Variants in USP33 observed in about 807,000 individuals in gnomAD.
USP33 encodes ubiquitin carboxyl-terminal hydrolase 33.
USP33 carries 46 observed loss-of-function variants against 124.2 expected under a neutral mutation model. The observed-to-expected ratio is 0.37, with a 90% CI of 0.29 to 0.47. The LOEUF (loss-of-function observed/expected upper bound fraction) is 0.47, where lower values mean the gene tolerates loss of function less well. USP33 is among the 20% of genes least tolerant of loss of function. The pLI is 0.99. For missense variants in USP33, 851 were observed against 1,070.6 expected (o/e 0.79, Z 2.86); for synonymous variants, 350 against 352.3 (o/e 0.99, Z 0.07).
Position 77,716,960 on chromosome 1 carries a change from G to A in USP33, c.1918+907C>T, listed in dbSNP as rs566970858. 2.9e-3 allele frequency among the ~76,000 whole-genome samples: 432 copies of A among 151,416 alleles called. 8 individuals carry two copies. The highest frequency in any genetic ancestry group is 9.9e-3 in the African/African-American group (409 of 41,224). ...AGCTCACTGCAACCTCCACCTTCCAGGTTCAAGCGATTCTCCTGTCTCAGC... is the reference window on the plus strand; with the variant it reads ...AGCTCACTGCAACCTCCACCTTCCAAGTTCAAGCGATTCTCCTGTCTCAGC... On this transcript the variant is annotated intron_variant, in intron 17 of 23. Transcript: ENST00000370794.
chr1:77,714,283 A>C (rs1675621015), intron 19 of USP33, among the ~76,000 whole-genome samples: 2 of 152,228 alleles, frequency 1.3e-5, no homozygotes, highest in Non-Finnish European at 2.9e-5. Flanking sequence ...AGAGGAGCTC[A>C]CTGTAATGTA....
intron 12 of USP33, 150 bp downstream of exon 12, chr1:77,723,181 G>A: frequency 1.5e-6 from 1 of 668,272 alleles, no homozygotes; most frequent in Non-Finnish European, 2.5e-6. Flanking sequence ...TCTACACCTA[G>A]AATCAAATTT....
intron 8 of USP33, 113 bp from the exon 9 acceptor site, chr1:77,730,051 A>G (rs1677629024): frequency 1.0e-6 from 1 of 972,496 alleles, no homozygotes; most frequent in Non-Finnish European, 1.5e-6. Flanking sequence ...TGTTTCAAAA[A>G]AATCATTCAA....
chr1:77,729,270 T>C (rs1677515809), intron 9 of USP33, among the ~76,000 whole-genome samples: 2 of 151,550 alleles, frequency 1.3e-5, no homozygotes, highest in African/African-American at 4.9e-5. Context: ...CAGGGGCTTA[T>C]GCTTGTAATC....
intron 8 of USP33, 69 bp downstream of exon 8, chr1:77,730,549 C>T: frequency 5.8e-6 from 7 of 1,206,616 alleles, no homozygotes; most frequent in Non-Finnish European, 7.7e-6. Flanking sequence ...AATGGACCTG[C>T]AACCTTTAAA....
chr1:77,697,845 A>G lies in USP33; in HGVS notation c.2578+18T>C. On this transcript the variant is annotated intron_variant, in intron 23 of 23. Transcript: ENST00000370794. ...CAAATCACTCACAAGTAAAAGCTTA[A>G]ATACGAGTCAAACTTACCTTGCCTA... 1 of 1,595,914 alleles carries G rather than the reference A, an allele frequency of 6.3e-7. No homozygotes were observed. Among genetic ancestry groups the G allele is most frequent in the Non-Finnish European group, 8.5e-7 (1 of 1,172,906 alleles).
chr1:77,704,614 A>G (rs532931379), intron 21 of USP33, among the ~76,000 whole-genome samples: 5 of 152,224 alleles, frequency 3.3e-5, no homozygotes, highest in African/African-American at 4.8e-5. Flanking sequence ...AAAAATACAT[A>G]ATAGAAAAAC....
Position 77,697,455 on chromosome 1 carries a change from A to G in USP33, c.2598T>C (p.Ile866=). ...MLRQGADSGQ[I]SEETWNFLQS... ...GCAGAAAATTCCATGTTTCTTCAGAAATCTGGCCAGAATCTGCTCCTTAAA... is the reference window on the plus strand; with the variant it reads ...GCAGAAAATTCCATGTTTCTTCAGAGATCTGGCCAGAATCTGCTCCTTAAA... The change falls in exon 24 of 24, where the codon ATT becomes ATC. Residue 866 remains isoleucine, a synonymous_variant. Coordinates refer to ENST00000370794, the MANE Select transcript of USP33 (RefSeq NM_201624.3). 2 of 1,602,734 alleles carry G rather than the reference A, an allele frequency of 1.2e-6. No homozygotes were observed. The highest frequency in any genetic ancestry group is 1.7e-6 in the Non-Finnish European group (2 of 1,177,348).
At chr1:77,758,020 T>C (rs569662577) in intron 1 of USP33, among the ~76,000 whole-genome samples, 15 of 152,200 alleles carry the variant, frequency 9.9e-5, no homozygotes, top group African/African-American at 3.6e-4. Flanking sequence ...TAAAAAGACT[T>C]GCTTACTGTT....
chr1:77,736,467 C>G (rs1373854784), intron 5 of USP33, among the ~76,000 whole-genome samples: 4 of 152,254 alleles, frequency 2.6e-5, no homozygotes, highest in Admixed American at 2.6e-4. Flanking sequence ...TAAACCATAG[C>G]TAAAAAGATC....
intron 9 of USP33, among the ~76,000 whole-genome samples, chr1:77,729,433 G>A (rs1677545585): frequency 6.6e-6 from 1 of 151,628 alleles, no homozygotes; most frequent in Admixed American, 6.6e-5. Context: ...CACTGTGGGA[G>A]GCCGAGGAGG....
chr1:77,697,327 C>T lies in USP33; in HGVS notation c.2726G>A (p.Arg909Gln), dbSNP rs955119861. Residue 909 changes from arginine (R) to glutamine (Q), a missense_variant, in exon 24 of 24, where the codon CGG (arginine) becomes CAG (glutamine). Arg to Gln is a conservative substitution (Grantham distance 43, BLOSUM62 1). This residue lies in a region of USP33 where 142 missense variants were observed against 141.8 expected (regional missense o/e 1.00). Coordinates refer to ENST00000370794, the MANE Select transcript of USP33 (RefSeq NM_201624.3). ...QAEEKIEVET[R>Q]SL is the part of the protein sequence containing the mutation. ...TCTACATCCTAAAAATTACAAAGAC[C>T]GAGTTTCTACTTCAATTTTTTCTTC... The T allele has an allele frequency of 9.4e-6, 15 of 1,599,376 alleles. No individual in the cohort carries two copies. The highest frequency in any genetic ancestry group is 2.3e-5 in the South Asian group (2 of 87,678).
chr1:77,748,793 G>GATTCAAA, intron 1 of USP33, among the ~76,000 whole-genome samples: 1 of 42,370 alleles, frequency 2.4e-5, no homozygotes, highest in East Asian at 1.1e-3. Flanking sequence ...CCCCCCCCCC[G>GATTCAAA]TGCTTGAATC....
intron 7 of USP33, among the ~76,000 whole-genome samples, chr1:77,732,204 TATAAAAATAACA>T (rs1222965446): frequency 2.0e-5 from 3 of 152,150 alleles, no homozygotes; most frequent in Non-Finnish European, 4.4e-5. Context: ...TTCTTATCTG[TATAAAAATAACA>T]ATAGTATCAA....
At chr1:77,702,164 AAAAAAAAAAAAAAC>A (rs1317691159) in intron 21 of USP33, among the ~76,000 whole-genome samples, 9 of 144,360 alleles carry the variant, frequency 6.2e-5, no homozygotes, top group Non-Finnish European at 1.1e-4. Context: ...AAAAAAAAAA[AAAAAAAAAAAAAAC>A]CAGTGGTACA....
intron 19 of USP33, chr1:77,713,608 G>T: frequency 4.7e-6 from 1 of 213,470 alleles, no homozygotes; most frequent in African/African-American, 2.5e-5. Flanking sequence ...TGTTGCCCAG[G>T]CTGGTCTCAA....
At chr1:77,747,350 A>G (rs1217976515) in intron 1 of USP33, among the ~76,000 whole-genome samples, 1 of 150,296 alleles carries the variant, frequency 6.7e-6, no homozygotes, top group East Asian at 2.0e-4. Flanking sequence ...CAACTCATAG[A>G]CCCAAACAAT....
At chr1:77,735,944 G>T (rs1345037283) in intron 6 of USP33, 112 bp downstream of exon 6, 2 of 742,342 alleles carry the variant, frequency 2.7e-6, no homozygotes, top group Non-Finnish European at 4.0e-6. Flanking sequence ...GAGTCCTTTT[G>T]TTTTAATTAT....
intron 7 of USP33, among the ~76,000 whole-genome samples, chr1:77,732,784 CTCT>C (rs1557850881): frequency 2.0e-5 from 3 of 147,652 alleles, no homozygotes; most frequent in Admixed American, 6.8e-5. Context: ...GAGTAAATGT[CTCT>C]TCTTTTTTTT....
Sources: gnomAD v4.1 joint callset for allele counts (sites outside exome capture counted in the v4.1 genomes callset) on GRCh38, gnomAD v4.1.1 for gene constraint, gnomAD v4.1.1 regional missense constraint, MANE v1.5 for transcripts, NCBI Gene and HGNC (gene_info 2026-07-23, HGNC 2026-07-21) for gene names.